Variants in HOMER1 observed in about 807,000 individuals in gnomAD.
HOMER1 encodes the protein homer protein homolog 1.
In HOMER1, 3 loss-of-function variants were observed where a neutral mutation model predicts 48.9. That is an observed-to-expected ratio of 0.06 (90% CI 0.03 to 0.16). The LOEUF (loss-of-function observed/expected upper bound fraction) is 0.16. Ranked by LOEUF, HOMER1 falls within the 10% of genes least tolerant of loss-of-function variation. The pLI, the probability that HOMER1 is intolerant of heterozygous loss-of-function variation, is 1.00. For missense variants in HOMER1, 247 were observed against 411.4 expected (o/e 0.60, Z 3.46); for synonymous variants, 134 against 146.4 (o/e 0.92, Z 0.61).
At chr5:79,488,224 T>C (rs771078694) in intron 1 of HOMER1, among the ~76,000 whole-genome samples, 13 of 152,302 alleles carry the variant, frequency 8.5e-5, no homozygotes, top group Non-Finnish European at 1.9e-4. Flanking sequence ...CTATGTAAGT[T>C]AGAACAGGGG....
At chr5:79,439,433 A>C (rs1282922529) in intron 4 of HOMER1, among the ~76,000 whole-genome samples, 1 of 152,218 alleles carries the variant, frequency 6.6e-6, no homozygotes, top group Non-Finnish European at 1.5e-5. Flanking sequence ...AGTTTCGAAT[A>C]ATTTAAAAAT....
chr5:79,405,076 C>T (rs1292060470), intron 5 of HOMER1, among the ~76,000 whole-genome samples: 1 of 152,018 alleles, frequency 6.6e-6, no homozygotes, highest in Non-Finnish European at 1.5e-5. Flanking sequence ...TATTGAAGTT[C>T]TAACTCCCAG....
intron 8 of HOMER1, among the ~76,000 whole-genome samples, chr5:79,393,765 A>G: frequency 6.6e-6 from 1 of 152,222 alleles, no homozygotes; most frequent in Non-Finnish European, 1.5e-5. Flanking sequence ...ACTGGAAACA[A>G]CATAAACTGC....
At chr5:79,464,808 C>T (rs1348584924) in intron 1 of HOMER1, among the ~76,000 whole-genome samples, 2 of 152,116 alleles carry the variant, frequency 1.3e-5, no homozygotes, top group Non-Finnish European at 2.9e-5. Flanking sequence ...ATTGCTTATA[C>T]ATACAATGTT....
intron 1 of HOMER1, among the ~76,000 whole-genome samples, chr5:79,491,074 G>GAAAAAAAAAAA (rs1491046966): frequency 4.4e-5 from 1 of 22,562 alleles, no homozygotes; most frequent in Admixed American, 5.2e-4. Context: ...TAGTACCAAA[G>GAAAAAAAAAAA]CAAAAAAAAA....
At chr5:79,422,232 A>C (rs1750121744) in intron 5 of HOMER1, among the ~76,000 whole-genome samples, 1 of 149,174 alleles carries the variant, frequency 6.7e-6, no homozygotes, top group Admixed American at 6.6e-5. Flanking sequence ...ATCTCAAAAA[A>C]ATTAAAAAAA....
rs576462628 is a variant in HOMER1, at chr5:79,432,947, T to C, written c.527+6063A>G. ...ACTTAATCTAGTTTTTGAGGTTTGA[T>C]AGTGGAGGAATAATGATATTTAAGT... On this transcript the variant is annotated intron_variant, in intron 5 of 8. Transcript: ENST00000334082. Among the ~76,000 whole-genome samples, 7 of 152,304 alleles carry C rather than the reference T, an allele frequency of 4.6e-5. No individual in the cohort carries two copies. The South Asian group carries it at 1.2e-3, about 27-fold the overall frequency.
chr5:79,433,628 TTC>T lies in HOMER1; in HGVS notation c.527+5380_527+5381del, dbSNP rs552156031. Among the ~76,000 whole-genome samples, 348 of 152,334 alleles carry T rather than the reference TTC, an allele frequency of 2.3e-3. 3 individuals carry two copies. The highest frequency in any genetic ancestry group is 8.2e-3 in the African/African-American group (340 of 41,574). ...CCTTTTGTATTTTAGTTTGCATTTA[TTC>T]TGTTAAATATAAAAATTTTGTATTT... On this transcript the variant is annotated intron_variant, in intron 5 of 8. Transcript: ENST00000334082.
At chr5:79,434,566 G>A (rs75689266) in intron 5 of HOMER1, among the ~76,000 whole-genome samples, 4,121 of 152,120 alleles carry the variant, frequency 0.027, 134 homozygotes, top group East Asian at 0.12. Flanking sequence ...GTTAAAAAAT[G>A]TTTTTAGAAA....
chr5:79,512,635 C>A (rs1752973270), intron 1 of HOMER1, 135 bp downstream of exon 1: 1 of 780,364 alleles, frequency 1.3e-6, no homozygotes, highest in South Asian at 1.7e-5. Context: ...GGTTAGCATG[C>A]CTATTTCTTT....
chr5:79,472,558 TGAGCCCAGGAGTTTAA>T (rs138238588), intron 1 of HOMER1, among the ~76,000 whole-genome samples: 1,856 of 152,086 alleles, frequency 0.012, 21 homozygotes, highest in Middle Eastern at 0.02. Context: ...GAGAATCACT[TGAGCCCAGGAGTTTAA>T]GACCAACCTG....
chr5:79,428,264 T>C (rs1419138266), intron 5 of HOMER1, among the ~76,000 whole-genome samples: 1 of 151,940 alleles, frequency 6.6e-6, no homozygotes, highest in African/African-American at 2.4e-5. Context: ...AAACAAACAC[T>C]GAAAAACTAG....
At chr5:79,400,177 C>A (rs1174722058) in intron 6 of HOMER1, among the ~76,000 whole-genome samples, 1 of 151,948 alleles carries the variant, frequency 6.6e-6, no homozygotes, top group African/African-American at 2.4e-5. Context: ...TTTATATTCA[C>A]ATTGCTGTGA....
chr5:79,409,084 G>GAAAA (rs772069998), intron 5 of HOMER1, among the ~76,000 whole-genome samples: 6 of 109,562 alleles, frequency 5.5e-5, no homozygotes, highest in African/African-American at 2.3e-4. Context: ...TTTGTCTTGA[G>GAAAA]AAAAAAAAAA....
chr5:79,439,673 G>A (rs1750690607), intron 4 of HOMER1, among the ~76,000 whole-genome samples: 2 of 152,036 alleles, frequency 1.3e-5, no homozygotes, highest in Admixed American at 6.6e-5. Flanking sequence ...GAGCTACTTA[G>A]AAAAGCAAGA....
chr5:79,478,184 T>C (rs372003229), intron 1 of HOMER1, among the ~76,000 whole-genome samples: 57 of 152,336 alleles, frequency 3.7e-4, no homozygotes, highest in African/African-American at 1.3e-3. Flanking sequence ...CTGATTTCAA[T>C]ATGCCTTTGC....
intron 8 of HOMER1, among the ~76,000 whole-genome samples, chr5:79,385,191 T>C (rs929120901): frequency 1.3e-5 from 2 of 152,088 alleles, no homozygotes; most frequent in Non-Finnish European, 2.9e-5. Flanking sequence ...TTCTGGACAT[T>C]GGTGTAGGCA....
intron 1 of HOMER1, among the ~76,000 whole-genome samples, chr5:79,500,310 T>C (rs1752540865): frequency 6.6e-6 from 1 of 152,064 alleles, no homozygotes; most frequent in African/African-American, 2.4e-5. Flanking sequence ...AAAAAGAAGA[T>C]GAAGGATCTA....
At position 79,401,079 on chromosome 5, in the gene HOMER1, C is replaced by CT. The variant is rs749691289; in HGVS notation, c.684+819dup. Among the ~76,000 whole-genome samples, 20 of 150,862 alleles carry CT rather than the reference C, an allele frequency of 1.3e-4. 1 individual carries two copies. The highest frequency in any genetic ancestry group is 6.0e-4 in the Admixed American group (9 of 15,084). On this transcript the variant is annotated intron_variant, in intron 6 of 8. Transcript: ENST00000334082. ...TAATGGTATTGAAATTTCTGGTTTT[C>CT]TTTTTCTGCACCAAATCTCTAATAT...
Sources: gnomAD v4.1 joint callset for allele counts (sites outside exome capture counted in the v4.1 genomes callset) on GRCh38, gnomAD v4.1.1 for gene constraint, MANE v1.5 for transcripts, NCBI Gene and HGNC (gene_info 2026-07-23, HGNC 2026-07-21) for gene names.